MMP27: variants seen among roughly 807,000 people sequenced by gnomAD.
The protein encoded by MMP27 is matrix metallopeptidase 27, also known as matrix metalloproteinase-27.
Under a neutral mutation model 48.1 loss-of-function variants are expected in MMP27, and 51 were observed. The ratio of observed to expected loss-of-function variants is 1.06; its 90% CI spans 0.85 to 1.34. The LOEUF is 1.34. MMP27 is among the 40% of genes most tolerant of loss of function. The pLI is 0.00. For synonymous variants in MMP27, 229 were observed against 208.9 expected, an observed-to-expected ratio of 1.10 and a Z score of -0.83; for missense variants, 698 against 619.3, an observed-to-expected ratio of 1.13 and a Z score of -1.35.
rs772109027 is a variant in MMP27 at position 102,695,139 on chromosome 11, C to T, written c.903-42G>A. Reference sequence around the variant, plus strand: ...ACACTTTACACATGCAGCCTATTTCCATGTCAATGAGAATTTTGTAATCTT... The same window carrying T: ...ACACTTTACACATGCAGCCTATTTCTATGTCAATGAGAATTTTGTAATCTT... On this transcript the variant is annotated intron_variant, in intron 6 of 9. Coordinates refer to ENST00000260229, the MANE Select transcript of MMP27 (RefSeq NM_022122.3). 3 of 1,588,696 alleles carry T rather than the reference C, an allele frequency of 1.9e-6. No homozygotes were observed. The Admixed American group carries it at 5.1e-5, about 27-fold the overall frequency.
intron 2 of MMP27, among the ~76,000 whole-genome samples, chr11:102,703,942 G>A (rs1360813391): frequency 6.6e-6 from 1 of 152,208 alleles, no homozygotes; most frequent in East Asian, 1.9e-4. Flanking sequence ...TCAGTAAGAT[G>A]AAAGAAGAAC....
chr11:102,697,837 T>C (rs1313902597), intron 4 of MMP27, among the ~76,000 whole-genome samples: 1 of 152,190 alleles, frequency 6.6e-6, no homozygotes, highest in Admixed American at 6.5e-5. Context: ...TTGGACTTTA[T>C]TGTGACTTAG....
At position 102,703,081 on chromosome 11, in the gene MMP27, C is replaced by G; in HGVS notation, c.379G>C (p.Val127Leu). The change falls in exon 3 of 10, where the codon GTG becomes CTG. Residue 127 changes from valine (V) to leucine (L), a missense_variant. Val to Leu is a conservative substitution (Grantham distance 32). Coordinates refer to ENST00000260229, the MANE Select transcript of MMP27 (RefSeq NM_022122.3). ...AAACCTTCTTGGATAGCCTCATCCA[C>G]AGCAGCTCGTGCCATATCCGGAGTA... is the stretch of plus-strand genomic sequence containing the variant. ...NYTPDMARAAVDEAIQEGLEV... is the reference protein window; with the variant it reads ...NYTPDMARAALDEAIQEGLEV... 1.9e-6 allele frequency: 3 copies of G among 1,614,038 alleles called. No homozygotes were observed. The highest frequency in any genetic ancestry group is 2.5e-6 in the Non-Finnish European group (3 of 1,179,980).
In MMP27 at chr11:102,695,055, A is replaced by T; in HGVS notation, c.945T>A (p.Phe315Leu). The change falls in exon 7 of 10, where the codon TTT becomes TTA. Residue 315 changes from phenylalanine to leucine, a missense_variant. Physicochemically the swap from Phe to Leu is conservative, Grantham distance 22. Transcript: ENST00000260229. Reference sequence around the variant, plus strand: ...ATGGCCAGAATGAAGCAATTAATTCAAACTCAACATCCGTGATATCATAAT... The same window carrying T: ...ATGGCCAGAATGAAGCAATTAATTCTAACTCAACATCCGTGATATCATAAT... ...RIYYDITDVE[F>L]ELIASFWPSL... The T allele has an allele frequency of 6.2e-7, 1 of 1,614,032 alleles. No homozygotes were observed. Among genetic ancestry groups the T allele is most frequent in the African/African-American group, 1.3e-5 (1 of 75,026 alleles).
At chr11:102,696,292 T>C (rs1860824593) in intron 6 of MMP27, 79 bp downstream of exon 6, 1 of 1,494,194 alleles carries the variant, frequency 6.7e-7, no homozygotes, top group East Asian at 2.3e-5. Flanking sequence ...ACTAGCCCCA[T>C]GACTACCTCT....
intron 4 of MMP27, among the ~76,000 whole-genome samples, chr11:102,698,909 T>A (rs1345941237): frequency 6.6e-6 from 1 of 152,232 alleles, no homozygotes; most frequent in East Asian, 1.9e-4. Flanking sequence ...AGCACTTGAT[T>A]CTGTCATAGC....
chr11:102,700,510 G>A (rs1313453287), intron 4 of MMP27, among the ~76,000 whole-genome samples: 1 of 152,110 alleles, frequency 6.6e-6, no homozygotes, highest in South Asian at 2.1e-4. Flanking sequence ...CCTAGTTAGG[G>A]TAAGGGTAAT....
Position 102,704,786 on chromosome 11 carries a change from AGAT to A in MMP27, c.103-14_103-12del. On this transcript the variant is annotated splice_polypyrimidine_tract_variant and intron_variant, in intron 1 of 9. Transcript: ENST00000260229. ...CTGGTTGAGATATGCCTGACCAAAA[AGAT>A]AAGAAAAAAAAAAAAGAGGCACAGA... is the stretch of plus-strand genomic sequence containing the variant. The A allele has an allele frequency of 6.5e-7, 1 of 1,544,148 alleles. No homozygotes were observed. The highest frequency in any genetic ancestry group is 1.4e-5 in the African/African-American group (1 of 72,566).
chr11:102,694,558 T>G (rs1860788266), intron 7 of MMP27, among the ~76,000 whole-genome samples: 1 of 152,164 alleles, frequency 6.6e-6, no homozygotes, highest in Non-Finnish European at 1.5e-5. Context: ...TGACTAACTT[T>G]TGGTATAAAT....
At position 102,691,565 on chromosome 11, in the gene MMP27, A is replaced by C; in HGVS notation, c.*201T>G. 1 of 475,408 alleles carries C rather than the reference A, an allele frequency of 2.1e-6. No individual in the cohort carries two copies. The highest frequency in any genetic ancestry group is 3.7e-6 in the Non-Finnish European group (1 of 270,224). 29.4% of individuals were successfully genotyped at this position (475,408 alleles called of 1,614,324 possible). ...GTCTTCTCCAAGTCCACAAAGCATG[A>C]AATAGGCTTAAAGTACAGTCAGAGA... On this transcript the variant is annotated 3_prime_UTR_variant, in exon 10 of 10. Coordinates refer to ENST00000260229, the MANE Select transcript of MMP27 (RefSeq NM_022122.3).
At position 102,691,589 on chromosome 11, in the gene MMP27, G is replaced by T. The variant is rs191066527; in HGVS notation, c.*177C>A. The T allele has an allele frequency of 4.2e-5, 22 of 524,538 alleles. No individual in the cohort carries two copies. Among genetic ancestry groups the T allele is most frequent in the Middle Eastern group, 5.2e-4 (1 of 1,920 alleles). 32.5% of individuals were successfully genotyped at this position (524,538 alleles called of 1,614,324 possible). ...GAAATAGGCTTAAAGTACAGTCAGAGATTTTTGTTTCTACATAATAACTTC... is the reference window on the plus strand; with the variant it reads ...GAAATAGGCTTAAAGTACAGTCAGATATTTTTGTTTCTACATAATAACTTC... On this transcript the variant is annotated 3_prime_UTR_variant, in exon 10 of 10. Transcript: ENST00000260229.
chr11:102,695,150 G>A, intron 6 of MMP27, 53 bp from the exon 7 acceptor site: 1 of 1,580,156 alleles, frequency 6.3e-7, no homozygotes, highest in African/African-American at 1.3e-5. Context: ...ATGTCAATGA[G>A]AATTTTGTAA....
rs930435940 is a variant in MMP27 at position 102,691,740 on chromosome 11, T to C, written c.*26A>G. 2.0e-6 allele frequency: 3 copies of C among 1,520,864 alleles called. No homozygotes were observed. The highest frequency in any genetic ancestry group is 2.3e-5 in the East Asian group (1 of 43,702). The allele number at this position is 1,520,864 out of a possible 1,614,324, so 94.2% of individuals were successfully genotyped here. A position where few individuals can be genotyped will look rare whatever the true frequency, so the allele number is the denominator to read the frequency against. ...AGCAGAATTTATATTAAAAGACCTG[T>C]TGAGGTTTATTTTAGGTCTATGAAT... On this transcript the variant is annotated 3_prime_UTR_variant, in exon 10 of 10. Coordinates refer to ENST00000260229, the MANE Select transcript of MMP27 (RefSeq NM_022122.3).
At chr11:102,704,840 A>C in intron 1 of MMP27, 65 bp from the exon 2 acceptor site, 2 of 1,097,356 alleles carry the variant, frequency 1.8e-6, no homozygotes, top group Non-Finnish European at 2.6e-6. Flanking sequence ...TCTCCATCTC[A>C]GGATAAAGCA....
intron 4 of MMP27, among the ~76,000 whole-genome samples, chr11:102,700,099 C>T (rs1860910656): frequency 6.6e-6 from 1 of 152,124 alleles, no homozygotes; most frequent in Non-Finnish European, 1.5e-5. Flanking sequence ...ACAGTGAAGC[C>T]CTGGAGGGCA....
In MMP27 at chr11:102,692,943, T is replaced by G; in HGVS notation, c.1292A>C (p.Tyr431Ser). 3 of 1,611,910 alleles carry G rather than the reference T, an allele frequency of 1.9e-6. No individual in the cohort carries two copies. The highest frequency in any genetic ancestry group is 2.5e-6 in the Non-Finnish European group (3 of 1,178,098). Residue 431 changes from tyrosine to serine, a missense_variant, in exon 9 of 10, where the codon TAC (tyrosine) becomes TCC (serine). Tyr to Ser is a moderately radical substitution (Grantham distance 144). Transcript: ENST00000260229. ...ISIRVDAAFQYKGFFFFSRGS... is the reference protein window; with the variant it reads ...ISIRVDAAFQSKGFFFFSRGS... ...AGTGAGACATCCATGCTTACCTTTGTACTGGAAAGCAGCATCAACACGGAT... is the reference window on the plus strand; with the variant it reads ...AGTGAGACATCCATGCTTACCTTTGGACTGGAAAGCAGCATCAACACGGAT...
At chr11:102,696,301 CTT>C in intron 6 of MMP27, 68 bp downstream of exon 6, 5 of 1,557,738 alleles carry the variant, frequency 3.2e-6, no homozygotes, top group Non-Finnish European at 4.4e-6. Flanking sequence ...ATGACTACCT[CTT>C]TATCCTCAAA....
In MMP27 at chr11:102,705,660, G is replaced by A. The variant is rs147720824; in HGVS notation, c.55C>T (p.Pro19Ser). The A allele has an allele frequency of 3.4e-4, 539 of 1,605,644 alleles. 1 individual carries two copies. Among genetic ancestry groups the A allele is most frequent in the Non-Finnish European group, 4.2e-4 (495 of 1,177,136 alleles). Residue 19 changes from proline to serine, a missense_variant, in exon 1 of 10, where the codon CCC becomes TCC. By Grantham distance (74) the Pro-to-Ser change is moderately conservative (BLOSUM62 -1). Transcript: ENST00000260229. The part of the protein sequence containing the change: ...LFFITFSSAF[P>S]LVRMTENEEN... ...TCATTTTCCGTCATCCGGACTAAGG[G>A]AAATGCAGAAGAAAATGTTATAAAG...
At chr11:102,702,211 A>G (rs2134274642) in intron 4 of MMP27, among the ~76,000 whole-genome samples, 1 of 152,366 alleles carries the variant, frequency 6.6e-6, no homozygotes, top group South Asian at 2.1e-4. Flanking sequence ...ATTCCTTTGC[A>G]GCTGGGCAAG....
Sources: gnomAD v4.1 joint callset for allele counts (sites outside exome capture counted in the v4.1 genomes callset) on GRCh38, gnomAD v4.1.1 for gene constraint, MANE v1.5 for transcripts, NCBI Gene and HGNC (gene_info 2026-07-23, HGNC 2026-07-21) for gene names.